The following ERICH6B variants were observed in gnomAD, a reference collection of about 807,000 sequenced individuals.
ERICH6B encodes the protein glutamate rich 6B, also known as glutamate-rich protein 6B.
Under a neutral mutation model 80.0 loss-of-function variants are expected in ERICH6B, and 69 were observed. The ratio of observed to expected loss-of-function variants is 0.86; its 90% CI spans 0.71 to 1.05. The LOEUF is 1.05. Ranked by LOEUF, ERICH6B falls within the 50% of genes least tolerant of loss-of-function variation. The pLI, the probability that ERICH6B is intolerant of heterozygous loss-of-function variation, is 0.00. For missense variants in ERICH6B, 754 were observed against 796.1 expected (o/e 0.95, Z 0.64); for synonymous variants, 283 against 291.9 (o/e 0.97, Z 0.31).
Position 45,606,531 on chromosome 13 carries a change from A to G in ERICH6B, c.-59+1033T>C, listed in dbSNP as rs1440368268. 4.6e-5 allele frequency among the ~76,000 whole-genome samples: 2 copies of G among 43,256 alleles called. 1 individual carries two copies. The highest frequency in any genetic ancestry group is 7.5e-5 in the Non-Finnish European group (2 of 26,550). 28.4% of individuals were successfully genotyped at this position (43,256 alleles called of 152,430 possible). On this transcript the variant is annotated intron_variant, in intron 2 of 14. Transcript: ENST00000298738. ...TATATATATATATATATATATATAT[A>G]TATATATATATATATATTTTTTTTT...
In ERICH6B at chr13:45,563,748, G is replaced by A. The variant is rs60300837; in HGVS notation, c.1228C>T (p.Arg410Trp). The A allele has an allele frequency of 1.5e-3, 2,334 of 1,552,212 alleles. 31 individuals carry two copies. The African/African-American group carries it at 0.028, about 18-fold the overall frequency. ...CTACCTTCACGTCTCCTCTTAATCC[G>A]TAAGATTGTTTCCTTGAACTTTTCA... ...NYEKFKETIL[R>W]IKRRREAQKL... is the part of the protein sequence containing the mutation. Residue 410 changes from arginine to tryptophan, a missense_variant, in exon 10 of 15, where the codon CGG (arginine) becomes TGG (tryptophan). Physicochemically the swap from Arg to Trp is moderately radical, Grantham distance 101. Transcript: ENST00000298738.
intron 11 of ERICH6B, among the ~76,000 whole-genome samples, chr13:45,554,538 C>T (rs1034851119): frequency 6.6e-6 from 1 of 152,130 alleles, no homozygotes; most frequent in Non-Finnish European, 1.5e-5. Flanking sequence ...TTCTGTTCGT[C>T]GAATTCACTT....
At chr13:45,593,596 GC>G (rs2138018263) in intron 3 of ERICH6B, among the ~76,000 whole-genome samples, 1 of 151,438 alleles carries the variant, frequency 6.6e-6, no homozygotes, top group African/African-American at 2.4e-5. Context: ...TAAGTCACTT[GC>G]CCAAGCTCAT....
Position 45,574,916 on chromosome 13 carries a change from A to G in ERICH6B, c.976T>C (p.Ser326Pro). The G allele has an allele frequency of 6.4e-7, 1 of 1,551,564 alleles. No homozygotes were observed. The change falls in exon 8 of 15, where the codon TCT (serine) becomes CCT (proline). Residue 326 changes from serine to proline, a missense_variant. Physicochemically the swap from Ser to Pro is moderately conservative, Grantham distance 74 (BLOSUM62 -1). Coordinates refer to ENST00000298738, the MANE Select transcript of ERICH6B (RefSeq NM_182542.3). ...ATACCATCCCAAAAGTTCTCTTTAG[A>G]AGCAAACTCCAGGACTTTCGATTTT... ...KKEENVLEFA[S>P]KENFWDGITD...
At chr13:45,568,854 T>A (rs576253642) in intron 8 of ERICH6B, among the ~76,000 whole-genome samples, 2 of 102,378 alleles carry the variant, frequency 2.0e-5, no homozygotes, top group South Asian at 3.0e-4. Flanking sequence ...TTCCTTAAAA[T>A]TTTTTTTTAA....
intron 9 of ERICH6B, among the ~76,000 whole-genome samples, chr13:45,566,336 C>T (rs1010453323): frequency 7.2e-5 from 11 of 152,204 alleles, no homozygotes; most frequent in African/African-American, 1.4e-4. Context: ...GCATAAGTAA[C>T]GAGGAGCTGA....
intron 8 of ERICH6B, among the ~76,000 whole-genome samples, chr13:45,569,759 T>C (rs982159301): frequency 6.6e-6 from 1 of 152,224 alleles, no homozygotes; most frequent in African/African-American, 2.4e-5. Flanking sequence ...CCAGTGTTTC[T>C]AGGTTGGGAG....
chr13:45,612,057 G>T (rs960696379), intron 1 of ERICH6B, among the ~76,000 whole-genome samples: 3 of 152,160 alleles, frequency 2.0e-5, no homozygotes, highest in Non-Finnish European at 4.4e-5. Flanking sequence ...ACCAGATACA[G>T]GTATTTACAT....
chr13:45,597,096 C>T (rs1251625807), intron 2 of ERICH6B, 33 bp from the exon 3 acceptor site: 2 of 1,354,454 alleles, frequency 1.5e-6, no homozygotes, highest in African/African-American at 3.0e-5. Context: ...ATCCTATTAG[C>T]CAGTAATAGC....
At chr13:45,547,485 G>T (rs1874038786) in intron 13 of ERICH6B, among the ~76,000 whole-genome samples, 1 of 152,126 alleles carries the variant, frequency 6.6e-6, no homozygotes, top group Non-Finnish European at 1.5e-5. Context: ...CCTATTTCAG[G>T]TGGCTACGGA....
chr13:45,613,947 G>C (rs1470137850), intron 1 of ERICH6B, among the ~76,000 whole-genome samples: 3 of 152,090 alleles, frequency 2.0e-5, no homozygotes, highest in South Asian at 2.1e-4. Flanking sequence ...GGTCTGGAAG[G>C]GCTGAGGAAT....
chr13:45,556,861 C>T lies in ERICH6B; in HGVS notation c.1407+4508G>A, dbSNP rs375818158. On this transcript the variant is annotated intron_variant, in intron 11 of 14. Coordinates refer to ENST00000298738, the MANE Select transcript of ERICH6B (RefSeq NM_182542.3). ...TTGAAGGGCATTTGGGTTGGTTCTA[C>T]ATTTTTGCGATTGTGAATTGTGCTG... Among the ~76,000 whole-genome samples the T allele has an allele frequency of 4.5e-4, 69 of 152,216 alleles. 2 individuals are homozygous for T. The highest frequency in any genetic ancestry group is 1.4e-3 in the African/African-American group (60 of 41,544).
At chr13:45,571,033 T>C (rs1875142946) in intron 8 of ERICH6B, among the ~76,000 whole-genome samples, 1 of 152,220 alleles carries the variant, frequency 6.6e-6, no homozygotes, top group Admixed American at 6.5e-5. Context: ...CTTGTCCATA[T>C]CTGCTGCCTA....
At chr13:45,564,324 T>TC (rs1240017559) in intron 9 of ERICH6B, among the ~76,000 whole-genome samples, 8 of 152,242 alleles carry the variant, frequency 5.3e-5, no homozygotes, top group Non-Finnish European at 8.8e-5. Context: ...GAGTGAGTCA[T>TC]CCTGGCGTTT....
At chr13:45,561,292 G>A (rs1434524484) in intron 11 of ERICH6B, 77 bp downstream of exon 11, 3 of 1,378,464 alleles carry the variant, frequency 2.2e-6, no homozygotes, top group Non-Finnish European at 2.9e-6. Context: ...CAGCTCTCTG[G>A]TGGTGTATGC....
At chr13:45,612,644 C>T (rs1949906246) in intron 1 of ERICH6B, among the ~76,000 whole-genome samples, 1 of 152,158 alleles carries the variant, frequency 6.6e-6, no homozygotes, top group South Asian at 2.1e-4. Context: ...AGCCTTTTCT[C>T]CTCCCTCCTA....
rs1405852722 is a variant in ERICH6B at position 45,605,121 on chromosome 13, CCCT to C, written c.-59+2440_-59+2442del. ...CCCCTCCCCCTCAACTTCCTGAAGC[CCCT>C]CCTCTTTGGTTCCCTGACTCCCAAC... On this transcript the variant is annotated intron_variant, in intron 2 of 14. Coordinates refer to ENST00000298738, the MANE Select transcript of ERICH6B (RefSeq NM_182542.3). Among the ~76,000 whole-genome samples, 4 of 152,232 alleles carry C rather than the reference CCCT, an allele frequency of 2.6e-5. No homozygotes were observed. The East Asian group carries it at 7.8e-4, about 30-fold the overall frequency.
At chr13:45,567,095 A>T (rs533877306) in intron 9 of ERICH6B, among the ~76,000 whole-genome samples, 71 of 152,328 alleles carry the variant, frequency 4.7e-4, no homozygotes, top group African/African-American at 1.7e-3. Flanking sequence ...TTGGACTTTC[A>T]TGGGGCCTGT....
chr13:45,568,532 G>T lies in ERICH6B; in HGVS notation c.1051-81C>A, dbSNP rs957830844. On this transcript the variant is annotated intron_variant, in intron 8 of 14. Transcript: ENST00000298738. ...GTTAATCACTTTTCTGACTCTCAAA[G>T]GTACTGTGTGACACTTCAACATATT... 17 of 1,311,546 alleles carry T rather than the reference G, an allele frequency of 1.3e-5. No homozygotes were observed. The African/African-American group carries it at 1.8e-4, about 14-fold the overall frequency. 81.2% of individuals were successfully genotyped at this position (1,311,546 alleles called of 1,614,324 possible). A position where few individuals can be genotyped will look rare whatever the true frequency, so the allele number is the denominator to read the frequency against.
Sources: gnomAD v4.1 joint callset for allele counts (sites outside exome capture counted in the v4.1 genomes callset) on GRCh38, gnomAD v4.1.1 for gene constraint, MANE v1.5 for transcripts, NCBI Gene and HGNC (gene_info 2026-07-23, HGNC 2026-07-21) for gene names.